The following MLLT1 variants were observed in gnomAD, a reference collection of about 807,000 sequenced individuals.
MLLT1 encodes the protein protein ENL.
Under a neutral mutation model 55.1 loss-of-function variants are expected in MLLT1, and 11 were observed. The observed-to-expected ratio is 0.20, with a 90% CI of 0.13 to 0.33. MLLT1 has a LOEUF of 0.33. Among genes scored for constraint, MLLT1 ranks in the 10% least tolerant of loss-of-function variants. The probability of loss-of-function intolerance (pLI) is 1.00; values close to 1 mark genes in which losing one functional copy is unlikely to be tolerated. For missense variants in MLLT1, 536 were observed against 760.6 expected (o/e 0.70, Z 3.47); for synonymous variants, 323 against 320.1 (o/e 1.01, Z -0.10).
At chr19:6,268,204 T>C (rs1189377407) in intron 2 of MLLT1, among the ~76,000 whole-genome samples, 3 of 152,212 alleles carry the variant, frequency 2.0e-5, no homozygotes, top group Non-Finnish European at 2.9e-5. Flanking sequence ...GGGACTCTTC[T>C]GTGAAGGATC....
chr19:6,227,187 C>T lies in MLLT1; in HGVS notation c.421-85G>A. ...CCGGGCTGAAGGTGGTGGGGCTTCC[C>T]TCTGCAGGAGGGGAGAAGGGAGAGC... On this transcript the variant is annotated intron_variant, in intron 4 of 11. Transcript: ENST00000252674. The surrounding 1 kb of genome is among the most constrained non-coding windows in gnomAD (Gnocchi z 5.1). 8 of 1,421,634 alleles carry T rather than the reference C, an allele frequency of 5.6e-6. No individual in the cohort carries two copies. Among genetic ancestry groups the T allele is most frequent in the Non-Finnish European group, 7.6e-6 (8 of 1,055,394 alleles). 88.1% of individuals were successfully genotyped at this position (1,421,634 alleles called of 1,614,324 possible).
At chr19:6,246,784 GGGGCAGACC>G (rs2091172462) in intron 3 of MLLT1, among the ~76,000 whole-genome samples, 1 of 152,138 alleles carries the variant, frequency 6.6e-6, no homozygotes, top group Admixed American at 6.5e-5. Context: ...ATGGGCAGAG[GGGGCAGACC>G]CAAGATGAAA....
chr19:6,225,344 G>A (rs1034414132), intron 5 of MLLT1, among the ~76,000 whole-genome samples: 1 of 152,228 alleles, frequency 6.6e-6, no homozygotes, highest in African/African-American at 2.4e-5. Context: ...TCTGGGCTCA[G>A]GGAGCCCTGC....
In MLLT1 at chr19:6,271,873, C is replaced by T. The variant is rs546688414; in HGVS notation, c.13-1114G>A. Reference sequence around the variant, plus strand: ...GACAGCTCCCATCTGCGCCTTTCCACGCCATCGCTCGGCAACTGGCCAGGT... The same window carrying T: ...GACAGCTCCCATCTGCGCCTTTCCATGCCATCGCTCGGCAACTGGCCAGGT... On this transcript the variant is annotated intron_variant, in intron 1 of 11. Transcript: ENST00000252674. 1.1e-4 allele frequency among the ~76,000 whole-genome samples: 17 copies of T among 152,378 alleles called. 1 individual carries two copies. The highest frequency in any genetic ancestry group is 6.8e-3 in the Middle Eastern group (2 of 294).
chr19:6,218,686 A>C (rs2090868645), intron 6 of MLLT1, among the ~76,000 whole-genome samples: 1 of 152,218 alleles, frequency 6.6e-6, no homozygotes, highest in Admixed American at 6.5e-5. Flanking sequence ...AGCCACAACA[A>C]GGACACAAGG....
chr19:6,227,135 G>A lies in MLLT1; in HGVS notation c.421-33C>T, dbSNP rs1335531036. 2 of 1,568,262 alleles carry A rather than the reference G, an allele frequency of 1.3e-6. No individual in the cohort carries two copies. Among genetic ancestry groups the A allele is most frequent in the Non-Finnish European group, 1.7e-6 (2 of 1,161,194 alleles). On this transcript the variant is annotated intron_variant, in intron 4 of 11. Coordinates refer to ENST00000252674, the MANE Select transcript of MLLT1 (RefSeq NM_005934.4). This position sits in a 1 kb window ranked among gnomAD's most constrained non-coding sequence, Gnocchi z 5.1. ...CAGAGAAGAGACAGTCATTATCGATGGGCAGGGGGCAGGGGGCCCACACGG... is the reference window on the plus strand; with the variant it reads ...CAGAGAAGAGACAGTCATTATCGATAGGCAGGGGGCAGGGGGCCCACACGG...
At chr19:6,274,373 A>C (rs547966057) in intron 1 of MLLT1, among the ~76,000 whole-genome samples, 1 of 152,260 alleles carries the variant, frequency 6.6e-6, no homozygotes, top group South Asian at 2.1e-4. Flanking sequence ...GCCAAGGGTA[A>C]CCACCCCCCT....
intron 10 of MLLT1, 36 bp downstream of exon 10, chr19:6,213,690 C>CCCTG: frequency 1.3e-6 from 2 of 1,493,214 alleles, no homozygotes; most frequent in Non-Finnish European, 1.9e-6. Flanking sequence ...CCCACCCCTC[C>CCCTG]GTAGCCTCCC....
intron 3 of MLLT1, among the ~76,000 whole-genome samples, chr19:6,261,976 G>A (rs948209524): frequency 2.6e-5 from 4 of 152,172 alleles, no homozygotes; most frequent in African/African-American, 9.7e-5. Flanking sequence ...CAACTGGACA[G>A]GAGGTGGCCC....
chr19:6,264,438 CCATCA>C (rs1954181714), intron 2 of MLLT1, among the ~76,000 whole-genome samples: 1 of 152,034 alleles, frequency 6.6e-6, no homozygotes, highest in Admixed American at 6.6e-5. Flanking sequence ...ACCCACCCTC[CCATCA>C]CATAACGCTC....
chr19:6,259,997 G>GCTC (rs2091290403), intron 3 of MLLT1, among the ~76,000 whole-genome samples: 1 of 152,086 alleles, frequency 6.6e-6, no homozygotes, highest in African/African-American at 2.4e-5. Flanking sequence ...AAGTGCACAT[G>GCTC]CTCCTGCTGA....
rs1488056411 is a variant in MLLT1, at chr19:6,210,476, A to G, written c.*2566T>C. The G allele has an allele frequency of 4.9e-6, 1 of 206,098 alleles. No homozygotes were observed. Among genetic ancestry groups the G allele is most frequent in the East Asian group, 7.4e-5 (1 of 13,552 alleles). The allele number at this position is 206,098 out of a possible 1,614,324, so 12.8% of individuals were successfully genotyped here. ...AAGTTTAAAATCCAGGAAAGAAACAATCCTGTAACTCGTTACAAACACGAT... is the reference window on the plus strand; with the variant it reads ...AAGTTTAAAATCCAGGAAAGAAACAGTCCTGTAACTCGTTACAAACACGAT... On this transcript the variant is annotated 3_prime_UTR_variant, in exon 12 of 12. Transcript: ENST00000252674. This position sits in a 1 kb window ranked among gnomAD's most constrained non-coding sequence, Gnocchi z 4.6.
In MLLT1 at chr19:6,240,779, C is replaced by T. The variant is rs2091106541; in HGVS notation, c.277-10066G>A. 6.6e-6 allele frequency among the ~76,000 whole-genome samples: 1 copy of T among 152,136 alleles called. No individual in the cohort carries two copies. On this transcript the variant is annotated intron_variant, in intron 3 of 11. Coordinates refer to ENST00000252674, the MANE Select transcript of MLLT1 (RefSeq NM_005934.4). The surrounding 1 kb of genome is among the most constrained non-coding windows in gnomAD (Gnocchi z 4.7). ...GAAAAGGGAGGAGCTCCAGTTCCTA[C>T]CCTGCGTCCTTCTGTGCTTCGCATT...
intron 2 of MLLT1, among the ~76,000 whole-genome samples, chr19:6,268,215 C>T (rs1231343359): frequency 1.3e-5 from 2 of 152,126 alleles, no homozygotes; most frequent in Non-Finnish European, 2.9e-5. Flanking sequence ...GTGAAGGATC[C>T]CAAAGGTAAA....
intron 1 of MLLT1, among the ~76,000 whole-genome samples, chr19:6,278,357 G>A (rs1202330560): frequency 2.6e-5 from 4 of 152,172 alleles, no homozygotes; most frequent in African/African-American, 9.7e-5. Context: ...GGGGTGCCAG[G>A]GTGCAGGAAG....
At chr19:6,220,425 G>A (rs756479896) in intron 6 of MLLT1, among the ~76,000 whole-genome samples, 9 of 152,232 alleles carry the variant, frequency 5.9e-5, no homozygotes, top group Admixed American at 1.3e-4. Flanking sequence ...GCTCTTCTTC[G>A]GCCAGGAGGA....
chr19:6,237,078 G>A (rs888340871), intron 3 of MLLT1, among the ~76,000 whole-genome samples: 5 of 152,244 alleles, frequency 3.3e-5, no homozygotes, highest in South Asian at 2.1e-4. Context: ...TCCCGTGCCC[G>A]GGGTGGGGAG....
rs185116175 is a variant in MLLT1 at position 6,234,217 on chromosome 19, G to A, written c.277-3504C>T. 1.8e-4 allele frequency among the ~76,000 whole-genome samples: 28 copies of A among 152,360 alleles called. No homozygotes were observed. The East Asian group carries it at 2.5e-3, about 14-fold the overall frequency. On this transcript the variant is annotated intron_variant, in intron 3 of 11. Transcript: ENST00000252674. Reference sequence around the variant, plus strand: ...GTGGCATGGACTGCGGTGTCCTCGCGGGACCCCCGGGCTCCAGCACAGCTG... The same window carrying A: ...GTGGCATGGACTGCGGTGTCCTCGCAGGACCCCCGGGCTCCAGCACAGCTG...
At chr19:6,267,351 G>A (rs753034619) in intron 2 of MLLT1, among the ~76,000 whole-genome samples, 12 of 150,932 alleles carry the variant, frequency 8.0e-5, no homozygotes, top group East Asian at 3.9e-4. Flanking sequence ...TGATCCACCC[G>A]TCTCGGCCTC....
Sources: allele counts gnomAD v4.1 joint callset (sites outside exome capture counted in the v4.1 genomes callset), GRCh38; gene constraint gnomAD v4.1.1; non-coding constraint Gnocchi (gnomAD v3.1); transcripts MANE v1.5; gene names NCBI Gene and HGNC (gene_info 2026-07-23, HGNC 2026-07-21).